Variants in DMD observed in about 807,000 individuals in gnomAD.
DMD encodes dystrophin, also known as mutant dystrophin.
In DMD, 63 loss-of-function variants were observed where a neutral mutation model predicts 330.1. That is an observed-to-expected ratio of 0.19 (90% CI 0.16 to 0.24). The LOEUF is 0.24. Among genes scored for constraint, DMD ranks in the 10% least tolerant of loss-of-function variants. DMD has a pLI of 1.00. For missense variants in DMD, 3,344 were observed against 2,684.1 expected (o/e 1.25, Z -5.43); for synonymous variants, 1,223 against 959.8 (o/e 1.27, Z -5.07).
intron 41 of DMD, among the ~76,000 whole-genome samples, chrX:32,327,316 G>A (rs2097656276): frequency 9.0e-6 from 1 of 110,868 alleles, no homozygotes; most frequent in Admixed American, 9.7e-5. Context: ...AGTAAGCTTT[G>A]GATTTCATGA....
At chrX:32,230,535 G>A (rs774209810) in intron 43 of DMD, among the ~76,000 whole-genome samples, 3 of 111,716 alleles carry the variant, frequency 2.7e-5, no homozygotes, top group East Asian at 5.6e-4. Flanking sequence ...GTGAGCCACC[G>A]CGCCCGGCCA....
At chrX:33,271,173 A>G (rs899296143) in intron 1 of DMD, among the ~76,000 whole-genome samples, 1 of 111,406 alleles carries the variant, frequency 9.0e-6, no homozygotes, top group Non-Finnish European at 1.9e-5. Context: ...CAACATTTTC[A>G]TAGTGTCCAA....
At chrX:32,684,021 AC>A (rs1449943360) in intron 9 of DMD, among the ~76,000 whole-genome samples, 3 of 75,446 alleles carry the variant, frequency 4.0e-5, no homozygotes, top group Non-Finnish European at 6.6e-5. Context: ...ACATACATAC[AC>A]ACACACACAC....
intron 55 of DMD, among the ~76,000 whole-genome samples, chrX:31,510,558 A>G (rs1156388559): frequency 2.2e-5 from 2 of 92,435 alleles, no homozygotes; most frequent in Non-Finnish European, 4.1e-5. Context: ...CCCAGGCTGG[A>G]GCACAGTGGC....
intron 60 of DMD, among the ~76,000 whole-genome samples, chrX:31,395,345 T>A (rs747515502): frequency 1.8e-5 from 2 of 112,432 alleles, no homozygotes; most frequent in Non-Finnish European, 3.7e-5. Context: ...TCAAATTACT[T>A]CGTTCATTTC....
chrX:31,202,044 G>A (rs1249996693), intron 67 of DMD, among the ~76,000 whole-genome samples: 1 of 110,808 alleles, frequency 9.0e-6, no homozygotes, highest in African/African-American at 3.3e-5. Context: ...AATTAGCCAG[G>A]CATGGTGGCA....
intron 11 of DMD, among the ~76,000 whole-genome samples, chrX:32,624,266 G>A (rs771771286): frequency 1.8e-5 from 2 of 111,703 alleles, no homozygotes; most frequent in Admixed American, 9.5e-5. Context: ...ATAGAGAGCC[G>A]AGGGAGTGGA....
At chrX:33,014,303 G>C (rs909227774) in intron 2 of DMD, among the ~76,000 whole-genome samples, 1 of 111,746 alleles carries the variant, frequency 8.9e-6, no homozygotes, top group African/African-American at 3.2e-5. Flanking sequence ...AAAACCTTCC[G>C]TGTTCAAGCA....
At chrX:31,856,242 C>T (rs1411300446) in intron 48 of DMD, among the ~76,000 whole-genome samples, 2 of 111,893 alleles carry the variant, frequency 1.8e-5, no homozygotes, top group African/African-American at 6.5e-5. Context: ...CCACTTCTTG[C>T]TGCTGGTGGA....
At chrX:31,295,975 A>G (rs772339729) in intron 62 of DMD, among the ~76,000 whole-genome samples, 4 of 81,390 alleles carry the variant, frequency 4.9e-5, no homozygotes, top group Non-Finnish European at 9.6e-5. Context: ...AAACAATCCA[A>G]AAAGTGACTT....
rs942059443 is a variant in DMD at position 33,005,391 on chromosome X, T to C, written c.93+14748A>G. Reference sequence around the variant, plus strand: ...AATAGATTTTAATTTTATCAAATGTTAGTATCTCACACTTAAATATAAACC... The same window carrying C: ...AATAGATTTTAATTTTATCAAATGTCAGTATCTCACACTTAAATATAAACC... On this transcript the variant is annotated intron_variant, in intron 2 of 78. Transcript: ENST00000357033. 5.5e-5 allele frequency among the ~76,000 whole-genome samples: 6 copies of C among 109,415 alleles called. No homozygotes were observed. In the Admixed American group the frequency reaches 6.0e-4, roughly 11 times the overall value.
At chrX:33,092,019 G>A (rs749532558) in intron 1 of DMD, among the ~76,000 whole-genome samples, 65 of 111,537 alleles carry the variant, frequency 5.8e-4, no homozygotes, top group Non-Finnish European at 4.1e-4. Flanking sequence ...TCTAATAGCT[G>A]ATTTTTTTAA....
intron 1 of DMD, among the ~76,000 whole-genome samples, chrX:33,083,979 C>T (rs1320674212): frequency 1.8e-5 from 2 of 111,413 alleles, no homozygotes; most frequent in East Asian, 5.7e-4. Context: ...ACCTAGGATA[C>T]TCACCAATCC....
At chrX:32,899,720 G>C (rs1202602174) in intron 2 of DMD, among the ~76,000 whole-genome samples, 3 of 109,717 alleles carry the variant, frequency 2.7e-5, no homozygotes, top group Non-Finnish European at 5.7e-5. Flanking sequence ...GAAAGAAAAA[G>C]TGTTTGTACT....
At chrX:32,130,148 C>G (rs2096684364) in intron 44 of DMD, among the ~76,000 whole-genome samples, 3 of 110,671 alleles carry the variant, frequency 2.7e-5, no homozygotes, top group Admixed American at 1.9e-4. Flanking sequence ...GGTGAGGACA[C>G]TGAAGGCTTA....
intron 44 of DMD, among the ~76,000 whole-genome samples, chrX:32,057,435 C>T (rs1260248276): frequency 9.0e-6 from 1 of 110,793 alleles, no homozygotes; most frequent in African/African-American, 3.3e-5. Flanking sequence ...TTGCAGGATA[C>T]AAAGTCATCA....
At chrX:31,845,417 CT>C (rs1569474949) in intron 48 of DMD, among the ~76,000 whole-genome samples, 11 of 99,080 alleles carry the variant, frequency 1.1e-4, no homozygotes, top group African/African-American at 4.1e-4. Context: ...CTCTCTCTCT[CT>C]CTCTCTCCCT....
intron 1 of DMD, among the ~76,000 whole-genome samples, chrX:33,271,484 AGGCTG>A (rs958099903): frequency 1.8e-5 from 2 of 111,785 alleles, no homozygotes; most frequent in African/African-American, 6.5e-5. Flanking sequence ...TGAAAACACA[AGGCTG>A]GGCGCGGTGG....
intron 44 of DMD, among the ~76,000 whole-genome samples, chrX:32,014,284 T>C (rs2095741355): frequency 9.2e-6 from 1 of 109,112 alleles, no homozygotes; most frequent in Non-Finnish European, 1.9e-5. Context: ...CAGTTGTTCT[T>C]CACACAGGCC....
Sources: gnomAD v4.1 joint callset for allele counts (sites outside exome capture counted in the v4.1 genomes callset) on GRCh38, gnomAD v4.1.1 for gene constraint, MANE v1.5 for transcripts, NCBI Gene and HGNC (gene_info 2026-07-23, HGNC 2026-07-21) for gene names.